Variants in AP1G1 observed in about 807,000 individuals in gnomAD.
The protein encoded by AP1G1 is AP-1 complex subunit gamma-1.
Under a neutral mutation model 108.3 loss-of-function variants are expected in AP1G1, and 7 were observed. That is an observed-to-expected ratio of 0.06 (90% CI 0.04 to 0.12). The LOEUF (loss-of-function observed/expected upper bound fraction) is 0.12. Ranked by LOEUF, AP1G1 falls within the 10% of genes least tolerant of loss-of-function variation. The pLI, the probability that AP1G1 is intolerant of heterozygous loss-of-function variation, is 1.00. For synonymous variants in AP1G1, 379 were observed against 353.5 expected (o/e 1.07, Z -0.81); for missense variants, 756 against 1,010.7 (o/e 0.75, Z 3.42).
At chr16:71,803,540 T>C (rs959572443) in intron 1 of AP1G1, among the ~76,000 whole-genome samples, 1 of 152,328 alleles carries the variant, frequency 6.6e-6, no homozygotes, top group Non-Finnish European at 1.5e-5. Context: ...TCTGGACCCT[T>C]CAAACTTTAA....
chr16:71,751,816 T>C (rs1280446269), intron 13 of AP1G1, among the ~76,000 whole-genome samples: 2 of 152,154 alleles, frequency 1.3e-5, no homozygotes, highest in African/African-American at 4.8e-5. Flanking sequence ...ATAGACAGTA[T>C]GCTCTTAGAC....
intron 10 of AP1G1, among the ~76,000 whole-genome samples, chr16:71,761,084 T>G (rs1228489153): frequency 6.6e-6 from 1 of 152,182 alleles, no homozygotes; most frequent in East Asian, 1.9e-4. Context: ...AAAACCCAGC[T>G]CTCTGCTGTT....
At chr16:71,776,719 C>G (rs188316239) in intron 2 of AP1G1, among the ~76,000 whole-genome samples, 18 of 152,268 alleles carry the variant, frequency 1.2e-4, no homozygotes, top group African/African-American at 4.3e-4. Flanking sequence ...AGGAATAGGA[C>G]ATACTCTTAG....
At chr16:71,761,468 G>T in intron 10 of AP1G1, 44 bp downstream of exon 10, 1 of 1,316,318 alleles carries the variant, frequency 7.6e-7, no homozygotes, top group Non-Finnish European at 1.1e-6. Flanking sequence ...TAAAATACTG[G>T]GCTTATAATA....
Position 71,731,529 on chromosome 16 carries a change from CCTCA to C in AP1G1, c.*1525_*1528del, listed in dbSNP as rs895290818. 16 of 150,100 alleles carry C rather than the reference CCTCA, an allele frequency of 1.1e-4. No individual in the cohort carries two copies. The highest frequency in any genetic ancestry group is 3.6e-4 in the African/African-American group (15 of 41,416). 9.3% of individuals were successfully genotyped at this position (150,100 alleles called of 1,614,324 possible). On this transcript the variant is annotated 3_prime_UTR_variant, in exon 23 of 23. Transcript: ENST00000299980. ...GCAAACATTGTAAGAGCAAGGTGGGCCTCACTTTTTCTTTCTTCAGTATATAAGA... is the reference window on the plus strand; with the variant it reads ...GCAAACATTGTAAGAGCAAGGTGGGCCTTTTTCTTTCTTCAGTATATAAGA...
intron 2 of AP1G1, among the ~76,000 whole-genome samples, chr16:71,785,721 A>C (rs1298460640): frequency 1.3e-5 from 2 of 152,052 alleles, no homozygotes; most frequent in Non-Finnish European, 2.9e-5. Context: ...CTCTACTAAA[A>C]ACACAAAAAA....
intron 13 of AP1G1, chr16:71,751,262 C>G (rs1200079876): frequency 1.3e-5 from 2 of 151,710 alleles, no homozygotes; most frequent in Non-Finnish European, 2.9e-5. Context: ...AGCAAGATGA[C>G]TGCTTGAGGC....
intron 1 of AP1G1, among the ~76,000 whole-genome samples, chr16:71,792,830 G>T (rs1303517712): frequency 6.6e-6 from 1 of 151,860 alleles, no homozygotes; most frequent in Non-Finnish European, 1.5e-5. Context: ...CTCCAGCCAG[G>T]GTGACGGAGC....
intron 1 of AP1G1, among the ~76,000 whole-genome samples, chr16:71,802,865 G>A (rs571636264): frequency 3.2e-4 from 49 of 152,192 alleles, no homozygotes; most frequent in African/African-American, 9.4e-4. Context: ...TCTGGCCAGC[G>A]AAGTTTATTT....
At position 71,792,073 on chromosome 16, in the gene AP1G1, CTT is replaced by C. The variant is rs544756144; in HGVS notation, c.-3-2593_-3-2592del. Among the ~76,000 whole-genome samples, 47 of 152,114 alleles carry C rather than the reference CTT, an allele frequency of 3.1e-4. 2 individuals are homozygous for C. In the South Asian group the frequency reaches 9.5e-3, roughly 31 times the overall value. On this transcript the variant is annotated intron_variant, in intron 1 of 22. Coordinates refer to ENST00000299980, the MANE Select transcript of AP1G1 (RefSeq NM_001128.6). Reference sequence around the variant, plus strand: ...CACCACGCCAGGCCAACACTAAACTCTTATACAAGGGATGGCTGAAGGTAGTC... The same window carrying C: ...CACCACGCCAGGCCAACACTAAACTCATACAAGGGATGGCTGAAGGTAGTC...
chr16:71,780,453 T>C (rs1272101976), intron 2 of AP1G1, among the ~76,000 whole-genome samples: 2 of 147,990 alleles, frequency 1.4e-5, no homozygotes, highest in East Asian at 4.0e-4. Context: ...ATTGCACCAC[T>C]GCACTCCAGC....
chr16:71,758,664 CT>C, intron 11 of AP1G1, 143 bp downstream of exon 11: 1 of 622,196 alleles, frequency 1.6e-6, no homozygotes, highest in Non-Finnish European at 2.9e-6. Flanking sequence ...CAGAGTCCAT[CT>C]GTGAACACAA....
intron 9 of AP1G1, 135 bp downstream of exon 9, chr16:71,764,215 C>T: frequency 5.4e-6 from 3 of 556,124 alleles, no homozygotes; most frequent in Non-Finnish European, 9.5e-6. Flanking sequence ...ACCAAAAATC[C>T]AGCATTCCAC....
At chr16:71,745,368 T>C (rs2030118789) in intron 18 of AP1G1, 98 bp from the exon 19 acceptor site, 3 of 1,600,682 alleles carry the variant, frequency 1.9e-6, no homozygotes, top group Non-Finnish European at 2.6e-6. Context: ...AGGAAGGAAA[T>C]CATCAACCAA....
intron 1 of AP1G1, among the ~76,000 whole-genome samples, chr16:71,794,731 T>A (rs1265259077): frequency 1.3e-5 from 2 of 151,132 alleles, no homozygotes; most frequent in African/African-American, 4.8e-5. Flanking sequence ...CTAAAATTTA[T>A]GGCCAAAATG....
chr16:71,793,747 C>T (rs572191552), intron 1 of AP1G1, among the ~76,000 whole-genome samples: 3 of 152,218 alleles, frequency 2.0e-5, no homozygotes, highest in South Asian at 4.1e-4. Context: ...TGCAGTGGTG[C>T]GATCTCGGCT....
At chr16:71,775,829 C>T (rs552983848) in intron 2 of AP1G1, among the ~76,000 whole-genome samples, 2 of 152,294 alleles carry the variant, frequency 1.3e-5, no homozygotes, top group South Asian at 2.1e-4. Flanking sequence ...TAAGCTAAAA[C>T]GATTTACATT....
At chr16:71,793,092 C>T (rs2032462668) in intron 1 of AP1G1, among the ~76,000 whole-genome samples, 1 of 151,736 alleles carries the variant, frequency 6.6e-6, no homozygotes, top group Non-Finnish European at 1.5e-5. Context: ...TGACCTGAGC[C>T]TAGGAGTGAG....
At chr16:71,779,221 G>A (rs2031908271) in intron 2 of AP1G1, among the ~76,000 whole-genome samples, 2 of 152,144 alleles carry the variant, frequency 1.3e-5, no homozygotes, top group African/African-American at 2.4e-5. Context: ...AGAACAGGTA[G>A]GAGAGTTTTG....
Sources: allele counts gnomAD v4.1 joint callset (sites outside exome capture counted in the v4.1 genomes callset), GRCh38; gene constraint gnomAD v4.1.1; transcripts MANE v1.5; gene names NCBI Gene and HGNC (gene_info 2026-07-23, HGNC 2026-07-21).